SNIP1: variants seen among roughly 807,000 people sequenced by gnomAD.
SNIP1 encodes the protein Smad nuclear interacting protein 1.
In SNIP1, 23 loss-of-function variants were observed where a neutral mutation model predicts 37.4. The observed-to-expected ratio is 0.61, with a 90% CI of 0.44 to 0.87. SNIP1 has a LOEUF of 0.87. Ranked by LOEUF, SNIP1 falls within the 40% of genes least tolerant of loss-of-function variation. The pLI, the probability that SNIP1 is intolerant of heterozygous loss-of-function variation, is 0.00. For synonymous variants in SNIP1, 174 were observed against 200.0 expected (o/e 0.87, Z 1.10); for missense variants, 459 against 540.4 (o/e 0.85, Z 1.49).
At chr1:37,539,859 G>A (rs1348321047) in intron 3 of SNIP1, among the ~76,000 whole-genome samples, 1 of 152,204 alleles carries the variant, frequency 6.6e-6, no homozygotes, top group Non-Finnish European at 1.5e-5. Flanking sequence ...GCCGAGGCAG[G>A]AGACAATCAT....
intron 2 of SNIP1, chr1:37,549,034 G>T (rs1053438365): frequency 2.6e-5 from 4 of 151,042 alleles, no homozygotes; most frequent in Non-Finnish European, 2.9e-5. Flanking sequence ...GATTGTAAAG[G>T]AAGAAATAAA....
Position 37,548,284 on chromosome 1 carries a change from T to C in SNIP1, c.327+4361A>G, listed in dbSNP as rs529761029. Among the ~76,000 whole-genome samples, 4 of 152,004 alleles carry C rather than the reference T, an allele frequency of 2.6e-5. No individual in the cohort carries two copies. The South Asian group carries it at 8.3e-4, about 32-fold the overall frequency. ...AATACCTAATACAACGTAAATGCTA[T>C]ATAAATAGTTGTTATACTGTTATTT... On this transcript the variant is annotated intron_variant, in intron 2 of 3. Coordinates refer to ENST00000296215, the MANE Select transcript of SNIP1 (RefSeq NM_024700.4).
At chr1:37,544,143 CA>C (rs976922210) in intron 2 of SNIP1, among the ~76,000 whole-genome samples, 203 of 128,672 alleles carry the variant, frequency 1.6e-3, no homozygotes, top group Admixed American at 1.6e-3. Flanking sequence ...GACTCCGTCT[CA>C]AAAAAAAAAA....
At chr1:37,551,132 TATC>T (rs1314817374) in intron 2 of SNIP1, among the ~76,000 whole-genome samples, 12 of 142,580 alleles carry the variant, frequency 8.4e-5, no homozygotes, top group South Asian at 2.2e-4. Flanking sequence ...AGATGTCCAA[TATC>T]ATAAGCCATT....
At chr1:37,542,707 T>C (rs2148113800) in intron 2 of SNIP1, among the ~76,000 whole-genome samples, 1 of 152,034 alleles carries the variant, frequency 6.6e-6, no homozygotes, top group Middle Eastern at 3.4e-3. Flanking sequence ...ACCACTGCAC[T>C]ACAGCCTGGA....
intron 3 of SNIP1, among the ~76,000 whole-genome samples, chr1:37,539,284 T>C (rs1472170272): frequency 1.3e-5 from 2 of 152,288 alleles, no homozygotes; most frequent in South Asian, 2.1e-4. Flanking sequence ...GCCAAAAAGG[T>C]TGGGGACCAC....
At position 37,554,279 on chromosome 1, in the gene SNIP1, G is replaced by C. The variant is rs925890130; in HGVS notation, c.-50C>G. ...AAAACAGATCAGTTGAGCTCCTCTA[G>C]CTGGAGGAAATGACGAGTTTAACTC... On this transcript the variant is annotated 5_prime_UTR_variant, in exon 1 of 4. Transcript: ENST00000296215. 9.2e-6 allele frequency: 14 copies of C among 1,521,610 alleles called. No homozygotes were observed. Among genetic ancestry groups the C allele is most frequent in the African/African-American group, 1.4e-5 (1 of 72,330 alleles). 94.3% of individuals were successfully genotyped at this position (1,521,610 alleles called of 1,614,324 possible).
chr1:37,549,959 G>C (rs1439824698), intron 2 of SNIP1, among the ~76,000 whole-genome samples: 1 of 152,018 alleles, frequency 6.6e-6, no homozygotes, highest in African/African-American at 2.4e-5. Context: ...ACTGATTTTT[G>C]ACAAAAGAGC....
At chr1:37,544,378 G>C (rs767899531) in intron 2 of SNIP1, among the ~76,000 whole-genome samples, 2 of 150,622 alleles carry the variant, frequency 1.3e-5, no homozygotes, top group African/African-American at 4.9e-5. Context: ...CTCGGAGGGC[G>C]GAGGTTGCAG....
intron 2 of SNIP1, among the ~76,000 whole-genome samples, chr1:37,548,152 CAAAAAAAAAAA>C (rs35503081): frequency 4.6e-5 from 3 of 65,376 alleles, no homozygotes; most frequent in East Asian, 5.2e-4. Context: ...GACTCCATAT[CAAAAAAAAAAA>C]AAAAAAAAAA....
In SNIP1 at chr1:37,535,230, T is replaced by TTATATATATATATATATATATATATA. The variant is rs550915294; in HGVS notation, c.*2517_*2518insTATATATATATATATATATATATATA. The stretch of plus-strand genomic sequence containing the variant: ...ACTAAAAAAAAATAAAAAATAAAAA[T>TTATATATATATATATATATATATATA]TATATATATAAATTAGCCAGGCTTG... On this transcript the variant is annotated 3_prime_UTR_variant, in exon 4 of 4. Transcript: ENST00000296215. 0.015 allele frequency: 251 copies of TTATATATATATATATATATATATATA among 17,262 alleles called. 33 individuals are homozygous for TTATATATATATATATATATATATATA. Among genetic ancestry groups the TTATATATATATATATATATATATATA allele is most frequent in the African/African-American group, 0.025 (197 of 7,974 alleles). 1.1% of individuals were successfully genotyped at this position (17,262 alleles called of 1,614,324 possible).
chr1:37,552,026 T>A (rs973891279), intron 2 of SNIP1, among the ~76,000 whole-genome samples: 1 of 152,170 alleles, frequency 6.6e-6, no homozygotes, highest in Admixed American at 6.5e-5. Context: ...TCCATGCCAT[T>A]TGGATACCAC....
At chr1:37,542,289 T>C (rs988378340) in intron 2 of SNIP1, among the ~76,000 whole-genome samples, 1 of 152,182 alleles carries the variant, frequency 6.6e-6, no homozygotes, top group Non-Finnish European at 1.5e-5. Context: ...ACAGCAGAAG[T>C]TTATACCAAG....
At position 37,549,871 on chromosome 1, in the gene SNIP1, T is replaced by C. The variant is rs12036242; in HGVS notation, c.327+2774A>G. Among the ~76,000 whole-genome samples the C allele has an allele frequency of 2.6e-3, 403 of 152,262 alleles. 22 individuals carry two copies. In the East Asian group the frequency reaches 0.074, roughly 28 times the overall value. On this transcript the variant is annotated intron_variant, in intron 2 of 3. Coordinates refer to ENST00000296215, the MANE Select transcript of SNIP1 (RefSeq NM_024700.4). ...TATAGCTATAGTAATCAAGACTGTG[T>C]GGTATTGGCAGAGTGACAGACACTG...
chr1:37,544,792 C>T (rs539317629), intron 2 of SNIP1: 9 of 740,398 alleles, frequency 1.2e-5, no homozygotes, highest in Admixed American at 5.2e-5. Flanking sequence ...CTCGCAGGTG[C>T]GCCAGAACTA....
At chr1:37,547,942 G>A (rs1286366914) in intron 2 of SNIP1, among the ~76,000 whole-genome samples, 1 of 151,402 alleles carries the variant, frequency 6.6e-6, no homozygotes, top group African/African-American at 2.4e-5. Flanking sequence ...GTCAGGAGAT[G>A]GAGACCATCC....
chr1:37,538,256 C>G (rs1433979461), intron 3 of SNIP1, among the ~76,000 whole-genome samples: 2 of 152,072 alleles, frequency 1.3e-5, no homozygotes, highest in African/African-American at 2.4e-5. Context: ...CGCCTGTAAT[C>G]CCAGCACTTT....
intron 2 of SNIP1, chr1:37,541,722 G>C (rs1643176558): frequency 6.6e-6 from 1 of 150,576 alleles, no homozygotes; most frequent in South Asian, 2.1e-4. Context: ...AAACCATACA[G>C]TAGTCCCAGG....
intron 2 of SNIP1, among the ~76,000 whole-genome samples, chr1:37,552,304 A>C (rs114294459): frequency 6.6e-6 from 1 of 152,192 alleles, no homozygotes; most frequent in Non-Finnish European, 1.5e-5. Context: ...TATCTTGACT[A>C]TATCGATGTC....
Sources: gnomAD v4.1 joint callset for allele counts (sites outside exome capture counted in the v4.1 genomes callset) on GRCh38, gnomAD v4.1.1 for gene constraint, MANE v1.5 for transcripts, NCBI Gene and HGNC (gene_info 2026-07-23, HGNC 2026-07-21) for gene names.